CRB1: variants seen among roughly 807,000 people sequenced by gnomAD.
The protein encoded by CRB1 is protein crumbs homolog 1.
A neutral mutation model predicts 120.0 loss-of-function variants in CRB1; 83 were observed. That is an observed-to-expected ratio of 0.69 (90% CI 0.58 to 0.83). CRB1 has a LOEUF of 0.83. Ranked by LOEUF, CRB1 falls within the 40% of genes least tolerant of loss-of-function variation. The pLI, the probability that CRB1 is intolerant of heterozygous loss-of-function variation, is 0.00. For missense variants in CRB1, 1,699 were observed against 1,687.6 expected (o/e 1.01, Z -0.12); for synonymous variants, 625 against 612.5 (o/e 1.02, Z -0.30).
the CRB1 span, among the ~76,000 whole-genome samples, chr1:197,253,309 T>C: frequency 6.6e-6 from 1 of 152,126 alleles, no homozygotes; most frequent in South Asian, 2.1e-4. Flanking sequence ...TCTTACTTAT[T>C]CTTTAAAAGT....
intron 1 of CRB1, among the ~76,000 whole-genome samples, chr1:197,284,228 A>G (rs1655695850): frequency 6.6e-6 from 1 of 151,922 alleles, no homozygotes; most frequent in Non-Finnish European, 1.5e-5. Context: ...AAGAAAATGC[A>G]CAGGACCAGT....
chr1:197,337,213 T>G (rs907621640), intron 2 of CRB1, among the ~76,000 whole-genome samples: 3 of 152,104 alleles, frequency 2.0e-5, no homozygotes, highest in Non-Finnish European at 4.4e-5. Flanking sequence ...TAGAAAGAAA[T>G]TATAATCTAT....
intron 5 of CRB1, among the ~76,000 whole-genome samples, chr1:197,404,588 A>T (rs1448720863): frequency 6.6e-6 from 1 of 151,988 alleles, no homozygotes; most frequent in African/African-American, 2.4e-5. Flanking sequence ...TCCAATTCAG[A>T]CAGTAAGTTA....
chr1:197,405,045 G>GCCCTCC (rs1663271959), intron 5 of CRB1, among the ~76,000 whole-genome samples: 1 of 145,198 alleles, frequency 6.9e-6, no homozygotes, highest in African/African-American at 2.5e-5. Flanking sequence ...GCTCGCCCTC[G>GCCCTCC]CCCTCTCCCT....
intron 5 of CRB1, among the ~76,000 whole-genome samples, chr1:197,374,696 CAAAT>C (rs1210126402): frequency 2.0e-5 from 3 of 152,166 alleles, no homozygotes; most frequent in Non-Finnish European, 2.9e-5. Flanking sequence ...GTGGCTCAAT[CAAAT>C]AAACTCATCA....
chr1:197,306,288 G>A (rs1657171606), intron 1 of CRB1, among the ~76,000 whole-genome samples: 1 of 152,012 alleles, frequency 6.6e-6, no homozygotes, highest in Non-Finnish European at 1.5e-5. Flanking sequence ...GAAATTGAAT[G>A]GTCAAAGAAG....
At chr1:197,316,967 G>T (rs1657890003) in intron 1 of CRB1, among the ~76,000 whole-genome samples, 1 of 151,004 alleles carries the variant, frequency 6.6e-6, no homozygotes, top group Non-Finnish European at 1.5e-5. Context: ...AACCAAGGAG[G>T]TGAAAGATCT....
At chr1:197,374,713 A>G (rs1661553727) in intron 5 of CRB1, among the ~76,000 whole-genome samples, 1 of 152,186 alleles carries the variant, frequency 6.6e-6, no homozygotes, top group African/African-American at 2.4e-5. Flanking sequence ...ACTCATCATC[A>G]TCAAATAAAA....
intron 11 of CRB1, among the ~76,000 whole-genome samples, chr1:197,456,935 G>A (rs553561244): frequency 8.5e-5 from 13 of 152,262 alleles, no homozygotes; most frequent in South Asian, 6.2e-4. Context: ...TTCAAAGTAA[G>A]ATAAGTATGG....
chr1:197,392,671 A>G (rs1285755063), intron 5 of CRB1, among the ~76,000 whole-genome samples: 1 of 152,156 alleles, frequency 6.6e-6, no homozygotes, highest in African/African-American at 2.4e-5. Flanking sequence ...ACATAAAACT[A>G]TGGGGCTCTA....
At chr1:197,469,197 G>A (rs1666875111) in intron 11 of CRB1, among the ~76,000 whole-genome samples, 1 of 152,182 alleles carries the variant, frequency 6.6e-6, no homozygotes, top group Non-Finnish European at 1.5e-5. Flanking sequence ...TCCAGCCTGA[G>A]CGACAGAGTG....
chr1:197,264,777 A>C (rs1654594875), upstream of CRB1, among the ~76,000 whole-genome samples: 1 of 151,414 alleles, frequency 6.6e-6, no homozygotes. Context: ...GGCTGCCACC[A>C]TGCCCGGCTA....
chr1:197,441,995 TA>T, intron 10 of CRB1, 170 bp from the exon 11 acceptor site: 3 of 758,556 alleles, frequency 4.0e-6, no homozygotes, highest in Non-Finnish European at 4.5e-6. Flanking sequence ...CCAAATGTGT[TA>T]AAGAAATTTT....
chr1:197,246,493 T>TCC, the CRB1 span, among the ~76,000 whole-genome samples: 1 of 152,030 alleles, frequency 6.6e-6, no homozygotes, highest in South Asian at 2.1e-4. Flanking sequence ...GTGCCCTGTG[T>TCC]CCCATAGATG....
intron 6 of CRB1, chr1:197,422,882 A>G (rs933622933): frequency 6.6e-6 from 1 of 152,214 alleles, no homozygotes; most frequent in African/African-American, 2.4e-5. Flanking sequence ...AATTAAAACC[A>G]GTCTTAGCCT....
the CRB1 span, among the ~76,000 whole-genome samples, chr1:197,208,323 T>C: frequency 6.6e-6 from 1 of 152,198 alleles, no homozygotes; most frequent in East Asian, 1.9e-4. Flanking sequence ...AGAATTGTTT[T>C]TCTGGTTACT....
At chr1:197,353,411 C>T (rs1192568360) in intron 4 of CRB1, among the ~76,000 whole-genome samples, 3 of 152,130 alleles carry the variant, frequency 2.0e-5, no homozygotes, top group African/African-American at 7.2e-5. Context: ...ATTTAGTTTA[C>T]AAGTTTTATA....
intron 4 of CRB1, 50 bp from the exon 5 acceptor site, chr1:197,356,781 A>G (rs1239771651): frequency 1.9e-5 from 30 of 1,594,736 alleles, no homozygotes; most frequent in Non-Finnish European, 2.5e-5. Flanking sequence ...CAAATGCTCT[A>G]TAATTCAACA....
intron 5 of CRB1, among the ~76,000 whole-genome samples, chr1:197,405,755 G>A (rs546838008): frequency 1.1e-4 from 17 of 151,498 alleles, no homozygotes; most frequent in Middle Eastern, 3.4e-3. Flanking sequence ...GAGACCCTCC[G>A]CCTGGCAACC....
Sources: allele counts gnomAD v4.1 joint callset (sites outside exome capture counted in the v4.1 genomes callset), GRCh38; gene constraint gnomAD v4.1.1; transcripts MANE v1.5; gene names NCBI Gene and HGNC (gene_info 2026-07-23, HGNC 2026-07-21).